DCDC2: variants seen among roughly 807,000 people sequenced by gnomAD.
DCDC2 encodes the protein doublecortin domain containing 2, also known as doublecortin domain-containing protein 2.
In DCDC2, 40 loss-of-function variants were observed where a neutral mutation model predicts 50.2. That is an observed-to-expected ratio of 0.80 (90% CI 0.62 to 1.04). DCDC2 has a LOEUF of 1.04. Among genes scored for constraint, DCDC2 ranks in the 50% least tolerant of loss-of-function variants. DCDC2 has a pLI of 0.00. For synonymous variants in DCDC2, 234 were observed against 210.6 expected, an observed-to-expected ratio of 1.11 and a Z score of -0.96; for missense variants, 570 against 581.9, an observed-to-expected ratio of 0.98 and a Z score of 0.21.
chr6:24,336,483 T>C (rs950444344), intron 2 of DCDC2, among the ~76,000 whole-genome samples: 1 of 152,202 alleles, frequency 6.6e-6, no homozygotes, highest in African/African-American at 2.4e-5. Context: ...CTATTTTATT[T>C]GCTGAAATAT....
At chr6:24,265,767 G>C (rs1186166410) in intron 7 of DCDC2, among the ~76,000 whole-genome samples, 1 of 151,336 alleles carries the variant, frequency 6.6e-6, no homozygotes, top group African/African-American at 2.4e-5. Context: ...GCAGTACTAA[G>C]AGGAAAGTTG....
chr6:24,179,045 A>G (rs558669999), intron 8 of DCDC2, among the ~76,000 whole-genome samples: 2 of 133,990 alleles, frequency 1.5e-5, no homozygotes, highest in Non-Finnish European at 3.3e-5. Context: ...GAAGAGGTTT[A>G]AAAAAAAAAA....
intron 2 of DCDC2, among the ~76,000 whole-genome samples, chr6:24,352,031 G>C (rs1304671298): frequency 1.3e-5 from 2 of 152,254 alleles, no homozygotes; most frequent in South Asian, 2.1e-4. Flanking sequence ...TTGAACCCAG[G>C]AGGTGGAGGT....
chr6:24,267,451 T>A (rs1235205646), intron 7 of DCDC2, among the ~76,000 whole-genome samples: 1 of 152,016 alleles, frequency 6.6e-6, no homozygotes, highest in Non-Finnish European at 1.5e-5. Flanking sequence ...CCCATGAAAA[T>A]TAAAAATAAA....
chr6:24,368,169 A>G, the DCDC2 span, among the ~76,000 whole-genome samples: 2 of 152,142 alleles, frequency 1.3e-5, no homozygotes, highest in East Asian at 3.8e-4. Flanking sequence ...TATCCAGAAG[A>G]CAGGACAGAG....
At chr6:24,181,240 T>C (rs962227979) in intron 8 of DCDC2, among the ~76,000 whole-genome samples, 6 of 152,212 alleles carry the variant, frequency 3.9e-5, no homozygotes, top group African/African-American at 1.4e-4. Context: ...AAAAGATTTA[T>C]GAACATAACT....
At chr6:24,279,485 A>G (rs1763425768) in intron 6 of DCDC2, among the ~76,000 whole-genome samples, 2 of 152,156 alleles carry the variant, frequency 1.3e-5, no homozygotes, top group African/African-American at 4.8e-5. Context: ...AGAGGCTGAC[A>G]CAGGAGGATC....
the DCDC2 span, among the ~76,000 whole-genome samples, chr6:24,366,576 T>C: frequency 6.6e-6 from 1 of 152,208 alleles, no homozygotes; most frequent in African/African-American, 2.4e-5. Flanking sequence ...AAATGTTTGT[T>C]AAATGAATTA....
At chr6:24,333,426 G>A (rs527800289) in intron 2 of DCDC2, among the ~76,000 whole-genome samples, 36 of 152,210 alleles carry the variant, frequency 2.4e-4, no homozygotes, top group African/African-American at 7.0e-4. Context: ...TAAGAAATAC[G>A]TCTTATGTTG....
intron 7 of DCDC2, among the ~76,000 whole-genome samples, chr6:24,221,985 T>A (rs920813553): frequency 3.3e-5 from 5 of 152,206 alleles, no homozygotes; most frequent in African/African-American, 1.2e-4. Context: ...AGGCTGCTTC[T>A]GAAGTCATGG....
At chr6:24,185,982 G>A (rs1761194732) in intron 8 of DCDC2, among the ~76,000 whole-genome samples, 1 of 152,024 alleles carries the variant, frequency 6.6e-6, no homozygotes, top group Non-Finnish European at 1.5e-5. Flanking sequence ...AAGACTGTTG[G>A]GTCTGATTCA....
chr6:24,341,944 G>A (rs1052819377), intron 2 of DCDC2, among the ~76,000 whole-genome samples: 5 of 29,868 alleles, frequency 1.7e-4, no homozygotes, highest in Non-Finnish European at 1.9e-4. Context: ...ATGTGTGCAC[G>A]CGTACACACA....
At chr6:24,295,982 A>T (rs1413068475) in intron 4 of DCDC2, among the ~76,000 whole-genome samples, 10 of 152,294 alleles carry the variant, frequency 6.6e-5, no homozygotes. Context: ...CTATTTTAAA[A>T]TTTAAATGGA....
chr6:24,281,676 G>A (rs1395244321), intron 6 of DCDC2, among the ~76,000 whole-genome samples: 10 of 151,988 alleles, frequency 6.6e-5, no homozygotes, highest in Non-Finnish European at 1.5e-5. Context: ...CAAAGGGAGA[G>A]AGGGAGCTTT....
intron 4 of DCDC2, among the ~76,000 whole-genome samples, chr6:24,295,965 G>C (rs189366928): frequency 6.6e-6 from 1 of 152,146 alleles, no homozygotes; most frequent in East Asian, 1.9e-4. Flanking sequence ...CACAGAACTA[G>C]AAAAAACTAT....
chr6:24,244,960 C>T (rs139925197), intron 7 of DCDC2, among the ~76,000 whole-genome samples: 1 of 152,174 alleles, frequency 6.6e-6, no homozygotes, highest in East Asian at 1.9e-4. Flanking sequence ...ATTGGGAGGC[C>T]GAGGTGGGCA....
intron 7 of DCDC2, among the ~76,000 whole-genome samples, chr6:24,250,443 G>A (rs1389851999): frequency 1.3e-5 from 2 of 152,024 alleles, no homozygotes; most frequent in African/African-American, 2.4e-5. Flanking sequence ...ATCCTACAGA[G>A]GTAAAAATGT....
At chr6:24,240,488 A>G (rs1350919870) in intron 7 of DCDC2, among the ~76,000 whole-genome samples, 2 of 152,232 alleles carry the variant, frequency 1.3e-5, no homozygotes, top group African/African-American at 4.8e-5. Flanking sequence ...AGGTCTATTC[A>G]GCCATATTGC....
At chr6:24,205,426 C>G in intron 7 of DCDC2, 1 of 1,141,492 alleles carries the variant, frequency 8.8e-7, no homozygotes, top group Non-Finnish European at 1.2e-6. Context: ...CAAGTATCAT[C>G]CCAGTTCTCC....
Sources: allele counts gnomAD v4.1 joint callset (sites outside exome capture counted in the v4.1 genomes callset), GRCh38; gene constraint gnomAD v4.1.1; transcripts MANE v1.5; gene names NCBI Gene and HGNC (gene_info 2026-07-23, HGNC 2026-07-21).